Variants in CLTRN observed in about 807,000 individuals in gnomAD.
The protein encoded by CLTRN is collectrin.
CLTRN carries 12 observed loss-of-function variants against 14.5 expected under a neutral mutation model. That is an observed-to-expected ratio of 0.83 (90% CI 0.53 to 1.34). The LOEUF is 1.34. Among genes scored for constraint, CLTRN ranks in the 40% most tolerant of loss-of-function variants. The pLI is 0.00. For missense variants in CLTRN, 154 were observed against 165.1 expected, an observed-to-expected ratio of 0.93 and a Z score of 0.37; for synonymous variants, 58 against 56.5, an observed-to-expected ratio of 1.03 and a Z score of -0.12.
chrX:15,665,249 C>T (rs1330650283), upstream of CLTRN, among the ~76,000 whole-genome samples: 3 of 111,864 alleles, frequency 2.7e-5, no homozygotes, highest in East Asian at 2.8e-4. Flanking sequence ...GGGTGCCCTC[C>T]GTGAAGGGCC....
chrX:15,673,701 T>G (rs190421306), intron 1 of CLTRN, among the ~76,000 whole-genome samples: 69 of 112,618 alleles, frequency 6.1e-4, no homozygotes, highest in African/African-American at 2.1e-3. Context: ...CAGAAATGGA[T>G]GGAAGGTGGG....
chrX:15,661,904 A>G (rs1309420924), intron 2 of CLTRN, among the ~76,000 whole-genome samples: 3 of 112,153 alleles, frequency 2.7e-5, no homozygotes, highest in East Asian at 5.6e-4. Context: ...CCTCATTTCA[A>G]TAACATGTGC....
intron 1 of CLTRN, among the ~76,000 whole-genome samples, chrX:15,670,106 T>G (rs1427472370): frequency 9.2e-6 from 1 of 109,163 alleles, no homozygotes; most frequent in Non-Finnish European, 1.9e-5. Context: ...CGAAACCCCC[T>G]CTCTACAAAA....
chrX:15,645,529 C>T (rs1307154066), intron 3 of CLTRN, among the ~76,000 whole-genome samples: 1 of 112,144 alleles, frequency 8.9e-6, no homozygotes, highest in Non-Finnish European at 1.9e-5. Context: ...AGACAAAAGG[C>T]ACCTTCTGTG....
intron 3 of CLTRN, among the ~76,000 whole-genome samples, chrX:15,652,684 G>A (rs1929249148): frequency 1.8e-5 from 2 of 112,097 alleles, no homozygotes; most frequent in South Asian, 7.2e-4. Context: ...CACACCACAA[G>A]TAAAGTCAGA....
rs759999530 is a variant in CLTRN at position 15,654,334 on chromosome X, T to C, written c.203+4682A>G. ...TAGACTTTATCTTTCTTGCTAAAAA[T>C]GATAAATTATCTAAAAGTTGATGTT... is the stretch of plus-strand genomic sequence containing the variant. On this transcript the variant is annotated intron_variant, in intron 3 of 5. Transcript: ENST00000380342. 1.3e-3 allele frequency among the ~76,000 whole-genome samples: 142 copies of C among 112,942 alleles called. 1 individual carries two copies. The highest frequency in any genetic ancestry group is 2.5e-3 in the Non-Finnish European group (131 of 53,375).
At chrX:15,629,006 T>C (rs1195166259) in intron 5 of CLTRN, among the ~76,000 whole-genome samples, 3 of 111,529 alleles carry the variant, frequency 2.7e-5, no homozygotes, top group Non-Finnish European at 3.8e-5. Flanking sequence ...CTTGATATCA[T>C]GCAGTAAAAG....
chrX:15,631,123 T>C (rs1156781880), intron 5 of CLTRN, among the ~76,000 whole-genome samples: 1 of 112,118 alleles, frequency 8.9e-6, no homozygotes, highest in Non-Finnish European at 1.9e-5. Flanking sequence ...TTTAATGCTT[T>C]ATAAGAGAGA....
At chrX:15,649,609 T>A (rs1168053738) in intron 3 of CLTRN, among the ~76,000 whole-genome samples, 3 of 111,094 alleles carry the variant, frequency 2.7e-5, no homozygotes, top group East Asian at 5.6e-4. Flanking sequence ...CTGTTGGCAT[T>A]TTGGGTGGGA....
chrX:15,637,163 T>G (rs1368700802), intron 5 of CLTRN, among the ~76,000 whole-genome samples: 1 of 111,434 alleles, frequency 9.0e-6, no homozygotes, highest in African/African-American at 3.3e-5. Context: ...TCTTCTAAGT[T>G]TAAGATTCTG....
upstream of CLTRN, among the ~76,000 whole-genome samples, chrX:15,668,469 T>TA (rs1423609030): frequency 8.9e-6 from 1 of 112,923 alleles, no homozygotes; most frequent in Non-Finnish European, 1.9e-5. Flanking sequence ...CCATTTGGTG[T>TA]ATTACATTAA....
intron 5 of CLTRN, 121 bp downstream of exon 5, chrX:15,639,441 T>G (rs1928887469): frequency 1.6e-6 from 1 of 639,760 alleles, no homozygotes; most frequent in Admixed American, 3.9e-5. Flanking sequence ...AAATCACCAA[T>G]TTTTTCAAAG....
chrX:15,660,966 ATAT>A (rs1187426549), intron 2 of CLTRN, among the ~76,000 whole-genome samples: 2 of 112,748 alleles, frequency 1.8e-5, no homozygotes, highest in African/African-American at 6.4e-5. Flanking sequence ...TTTTCATTTG[ATAT>A]TATACTATGA....
chrX:15,663,311 C>G (rs1929550628), intron 2 of CLTRN, among the ~76,000 whole-genome samples: 1 of 112,335 alleles, frequency 8.9e-6, no homozygotes, highest in African/African-American at 3.2e-5. Context: ...GCCAACCCTG[C>G]ACACTAGTAG....
chrX:15,645,033 CAG>C lies in CLTRN; in HGVS notation c.204-6_204-5del. On this transcript the variant is annotated splice_region_variant and splice_polypyrimidine_tract_variant and intron_variant, in intron 3 of 5. Coordinates refer to ENST00000380342, the MANE Select transcript of CLTRN (RefSeq NM_020665.6). Reference sequence around the variant, plus strand: ...GCAAAGTAGGACATGGGAAATTCTGCAGACAGTGGAAAGAAAAAATACATGAG... The same window carrying C: ...GCAAAGTAGGACATGGGAAATTCTGCACAGTGGAAAGAAAAAATACATGAG... The C allele has an allele frequency of 8.8e-7, 1 of 1,139,627 alleles. No individual in the cohort carries two copies. Among genetic ancestry groups the C allele is most frequent in the Non-Finnish European group, 1.2e-6 (1 of 838,205 alleles). The allele number at this position is 1,139,627 out of a possible 1,213,427, so 93.9% of individuals were successfully genotyped here.
upstream of CLTRN, among the ~76,000 whole-genome samples, chrX:15,665,780 G>A (rs186511732): frequency 1.8e-5 from 2 of 112,334 alleles, no homozygotes; most frequent in Non-Finnish European, 3.8e-5. Context: ...TACCTTCACT[G>A]GGTTATTTCT....
intron 3 of CLTRN, chrX:15,646,462 A>ACCCCCCCCCCCCCCCCCCCC: frequency 5.9e-6 from 1 of 170,838 alleles, no homozygotes; most frequent in Non-Finnish European, 1.2e-5. Flanking sequence ...CCGCGCACCC[A>ACCCCCCCCCCCCCCCCCCCC]CCCCCCCGCC....
intron 3 of CLTRN, chrX:15,646,184 C>G (rs972963911): frequency 5.7e-6 from 1 of 175,966 alleles, no homozygotes; most frequent in African/African-American, 3.0e-5. Context: ...TCTGCAGCTG[C>G]GCGCCGCAAA....
chrX:15,659,015 C>T lies in CLTRN; in HGVS notation c.203+1G>A. On this transcript the variant is annotated splice_donor_variant, in intron 3 of 5. Transcript: ENST00000380342. LOFTEE classifies it high-confidence loss of function. ...GTTAAGATTTCTCATTATTTGCTTA[C>T]TCTGTTGCTTCTCTGTTGGGAACTT... 1.8e-6 allele frequency: 2 copies of T among 1,121,394 alleles called. No homozygotes were observed. The highest frequency in any genetic ancestry group is 2.4e-6 in the Non-Finnish European group (2 of 820,847). 92.4% of individuals were successfully genotyped at this position (1,121,394 alleles called of 1,213,427 possible). A position where few individuals can be genotyped will look rare whatever the true frequency, so the allele number is the denominator to read the frequency against.
Sources: allele counts gnomAD v4.1 joint callset (sites outside exome capture counted in the v4.1 genomes callset), GRCh38; gene constraint gnomAD v4.1.1; transcripts MANE v1.5; gene names NCBI Gene and HGNC (gene_info 2026-07-23, HGNC 2026-07-21).